Variants in HS3ST4 observed in about 807,000 individuals in gnomAD.
HS3ST4 encodes the protein heparan sulfate-glucosamine 3-sulfotransferase 4, also known as heparan sulfate glucosamine 3-O-sulfotransferase 4.
A neutral mutation model predicts 29.2 loss-of-function variants in HS3ST4; 17 were observed. The ratio of observed to expected loss-of-function variants is 0.58; its 90% CI spans 0.40 to 0.87. HS3ST4 has a LOEUF of 0.87. Ranked by LOEUF, HS3ST4 falls within the 40% of genes least tolerant of loss-of-function variation. The probability of loss-of-function intolerance (pLI) is 0.00; values close to 1 mark genes in which losing one functional copy is unlikely to be tolerated. For missense variants in HS3ST4, 627 were observed against 634.5 expected, an observed-to-expected ratio of 0.99 and a Z score of 0.13; for synonymous variants, 314 against 285.7, an observed-to-expected ratio of 1.10 and a Z score of -1.00.
At chr16:25,713,373 C>T (rs761213803) in intron 1 of HS3ST4, among the ~76,000 whole-genome samples, 3 of 151,958 alleles carry the variant, frequency 2.0e-5, no homozygotes, top group South Asian at 4.2e-4. Context: ...ACAAAAAATA[C>T]GAAAATGAGC....
At chr16:26,129,718 C>T (rs1263307073) in intron 1 of HS3ST4, among the ~76,000 whole-genome samples, 1 of 152,154 alleles carries the variant, frequency 6.6e-6, no homozygotes, top group Non-Finnish European at 1.5e-5. Context: ...TCAGTGGATG[C>T]AAACTTGGTA....
chr16:25,946,449 C>T (rs1169974363), intron 1 of HS3ST4, among the ~76,000 whole-genome samples: 2 of 152,170 alleles, frequency 1.3e-5, no homozygotes, highest in African/African-American at 2.4e-5. Flanking sequence ...TTCTTGTGTG[C>T]TTTGGGCAAC....
intron 1 of HS3ST4, among the ~76,000 whole-genome samples, chr16:26,016,323 G>T (rs1366072262): frequency 6.6e-6 from 1 of 152,156 alleles, no homozygotes; most frequent in African/African-American, 2.4e-5. Flanking sequence ...TAACTCATAG[G>T]TATAAAAGTG....
chr16:25,886,027 G>GTTTTTTTTT (rs34713423), intron 1 of HS3ST4, among the ~76,000 whole-genome samples: 3 of 82,770 alleles, frequency 3.6e-5, no homozygotes, highest in Admixed American at 1.7e-4. Flanking sequence ...TCTTACTGTG[G>GTTTTTTTTT]TTTTTTTTTT....
intron 1 of HS3ST4, among the ~76,000 whole-genome samples, chr16:25,997,615 AT>A (rs1442804499): frequency 1.3e-5 from 2 of 152,160 alleles, no homozygotes; most frequent in Non-Finnish European, 2.9e-5. Context: ...TTTACCATCT[AT>A]CAACTCAGCA....
chr16:25,730,988 C>T (rs907650444), intron 1 of HS3ST4, among the ~76,000 whole-genome samples: 2 of 152,142 alleles, frequency 1.3e-5, no homozygotes, highest in Non-Finnish European at 2.9e-5. Context: ...GGGTGGAGTC[C>T]AGGAGAAACC....
chr16:25,770,884 G>A (rs1311330894), intron 1 of HS3ST4, among the ~76,000 whole-genome samples: 2 of 152,108 alleles, frequency 1.3e-5, no homozygotes, highest in African/African-American at 4.8e-5. Context: ...TGACGTGTTG[G>A]GAACTGCGCT....
Position 25,959,208 on chromosome 16 carries a change from T to C in HS3ST4, c.735-176404T>C, listed in dbSNP as rs1331397347. 2.0e-5 allele frequency among the ~76,000 whole-genome samples: 3 copies of C among 152,214 alleles called. No individual in the cohort carries two copies. In the South Asian group the frequency reaches 6.2e-4, roughly 32 times the overall value. ...TAAGGAAGAAGCTGTGTTCTCAACC[T>C]GATCCCGTTCCTCTTGAGGGGAGGA... is the stretch of plus-strand genomic sequence containing the variant. On this transcript the variant is annotated intron_variant, in intron 1 of 1. Coordinates refer to ENST00000331351, the MANE Select transcript of HS3ST4 (RefSeq NM_006040.3).
At chr16:26,010,486 A>T in intron 1 of HS3ST4, among the ~76,000 whole-genome samples, 1 of 150,764 alleles carries the variant, frequency 6.6e-6, no homozygotes, top group East Asian at 1.9e-4. Flanking sequence ...AGAAAAAAAA[A>T]ATGAAAATGT....
intron 1 of HS3ST4, among the ~76,000 whole-genome samples, chr16:25,997,447 C>A (rs1969167403): frequency 6.6e-6 from 1 of 152,150 alleles, no homozygotes; most frequent in Non-Finnish European, 1.5e-5. Flanking sequence ...AGTTAAAGAG[C>A]ATTTATAGAT....
At chr16:25,793,820 A>G (rs1441590501) in intron 1 of HS3ST4, among the ~76,000 whole-genome samples, 3 of 151,860 alleles carry the variant, frequency 2.0e-5, no homozygotes, top group African/African-American at 7.2e-5. Flanking sequence ...ACCTTTTTAC[A>G]GTTTTGTATT....
chr16:25,824,170 G>A (rs900910472), intron 1 of HS3ST4, among the ~76,000 whole-genome samples: 1 of 152,164 alleles, frequency 6.6e-6, no homozygotes, highest in Non-Finnish European at 1.5e-5. Context: ...ACAGAAACAG[G>A]GAGGTCTGCT....
At chr16:25,862,887 C>T (rs1967653107) in intron 1 of HS3ST4, among the ~76,000 whole-genome samples, 1 of 152,146 alleles carries the variant, frequency 6.6e-6, no homozygotes, top group Admixed American at 6.5e-5. Context: ...CCAGTTTTAG[C>T]CCCACCCACT....
At chr16:25,993,412 C>G (rs1472016759) in intron 1 of HS3ST4, among the ~76,000 whole-genome samples, 1 of 152,036 alleles carries the variant, frequency 6.6e-6, no homozygotes, top group African/African-American at 2.4e-5. Context: ...TTCCTATGAC[C>G]CTCAGAGAAA....
chr16:25,936,790 A>G (rs1968520765), intron 1 of HS3ST4, among the ~76,000 whole-genome samples: 1 of 152,242 alleles, frequency 6.6e-6, no homozygotes, highest in Non-Finnish European at 1.5e-5. Context: ...AATTCTGCAG[A>G]TGAGGTTTCT....
At chr16:26,125,099 T>C (rs972581198) in intron 1 of HS3ST4, among the ~76,000 whole-genome samples, 3 of 152,254 alleles carry the variant, frequency 2.0e-5, no homozygotes, top group African/African-American at 7.2e-5. Flanking sequence ...CAAAGTTGAA[T>C]CTATTCTCAT....
At chr16:25,727,607 A>G (rs1251072714) in intron 1 of HS3ST4, among the ~76,000 whole-genome samples, 2 of 152,216 alleles carry the variant, frequency 1.3e-5, no homozygotes, top group African/African-American at 4.8e-5. Flanking sequence ...AAAATCTAAC[A>G]GACACTTGGA....
chr16:25,949,713 A>C (rs1417824442), intron 1 of HS3ST4, among the ~76,000 whole-genome samples: 1 of 152,194 alleles, frequency 6.6e-6, no homozygotes, highest in Non-Finnish European at 1.5e-5. Context: ...ATTCTGGCTA[A>C]ATGGACTCAG....
At chr16:25,828,198 T>C (rs1967239926) in intron 1 of HS3ST4, among the ~76,000 whole-genome samples, 1 of 149,864 alleles carries the variant, frequency 6.7e-6, no homozygotes, top group East Asian at 2.0e-4. Context: ...CTTTCTTTTC[T>C]TTCTTTCTTG....
Sources: gnomAD v4.1 joint callset for allele counts (sites outside exome capture counted in the v4.1 genomes callset) on GRCh38, gnomAD v4.1.1 for gene constraint, MANE v1.5 for transcripts, NCBI Gene and HGNC (gene_info 2026-07-23, HGNC 2026-07-21) for gene names.